Variants in HIVEP1 observed in about 807,000 individuals in gnomAD.
HIVEP1 encodes zinc finger protein 40.
A neutral mutation model predicts 180.0 loss-of-function variants in HIVEP1; 36 were observed. That is an observed-to-expected ratio of 0.20 (90% CI 0.15 to 0.26). The LOEUF is 0.26. Ranked by LOEUF, HIVEP1 falls within the 10% of genes least tolerant of loss-of-function variation. The pLI is 1.00. For synonymous variants in HIVEP1, 1,239 were observed against 1,239.0 expected (o/e 1.00, Z 0.00); for missense variants, 3,143 against 3,268.7 (o/e 0.96, Z 0.94).
chr6:12,109,010 C>A (rs571805731), intron 3 of HIVEP1, among the ~76,000 whole-genome samples: 11 of 152,246 alleles, frequency 7.2e-5, no homozygotes, highest in Non-Finnish European at 1.6e-4. Context: ...GACAGACTCT[C>A]GCTCTGTCGC....
chr6:12,058,958 CT>C (rs1771055140), intron 2 of HIVEP1, among the ~76,000 whole-genome samples: 3 of 141,124 alleles, frequency 2.1e-5, no homozygotes, highest in Non-Finnish European at 4.7e-5. Flanking sequence ...TTTTTTTTTT[CT>C]TTTTTGGAGA....
intron 6 of HIVEP1, among the ~76,000 whole-genome samples, chr6:12,134,012 TATAATTTGGTTTGTA>T (rs1758575331): frequency 6.6e-6 from 1 of 152,010 alleles, no homozygotes; most frequent in South Asian, 2.1e-4. Context: ...TAGTGGACCT[TATAATTTGGTTTGTA>T]ATATTGTTAG....
At chr6:12,192,642 T>C in the HIVEP1 span, among the ~76,000 whole-genome samples, 4 of 152,262 alleles carry the variant, frequency 2.6e-5, no homozygotes, top group Admixed American at 6.5e-5. Context: ...TCTGCCGCCA[T>C]GTGAAGACGC....
chr6:12,192,751 C>G, the HIVEP1 span, among the ~76,000 whole-genome samples: 5 of 152,128 alleles, frequency 3.3e-5, no homozygotes, highest in Non-Finnish European at 1.5e-5. Context: ...TAAATTAAAT[C>G]TCTTTTCTTC....
intron 7 of HIVEP1, among the ~76,000 whole-genome samples, chr6:12,143,788 T>G (rs1759198233): frequency 6.6e-6 from 1 of 152,092 alleles, no homozygotes; most frequent in Non-Finnish European, 1.5e-5. Flanking sequence ...CATTCCCAAT[T>G]GCTAAAAAGA....
intron 2 of HIVEP1, among the ~76,000 whole-genome samples, chr6:12,084,793 G>A (rs978285707): frequency 1.1e-4 from 17 of 152,048 alleles, no homozygotes; most frequent in African/African-American, 3.6e-4. Flanking sequence ...GAGGGAGGAC[G>A]TACGGGTGCT....
upstream of HIVEP1, among the ~76,000 whole-genome samples, chr6:12,011,295 C>T (rs1402184272): frequency 7.1e-6 from 1 of 141,778 alleles, no homozygotes; most frequent in Non-Finnish European, 1.5e-5. Context: ...GCCTCCCCCT[C>T]CCCCATTCTG....
chr6:12,161,455 C>A lies in HIVEP1; in HGVS notation c.6504C>A (p.Phe2168Leu). 6.2e-7 allele frequency: 1 copy of A among 1,610,150 alleles called. No individual in the cohort carries two copies. Among genetic ancestry groups the A allele is most frequent in the South Asian group, 1.1e-5 (1 of 90,920 alleles). Residue 2168 changes from phenylalanine to leucine, a missense_variant, in exon 8 of 9, where the codon TTC (phenylalanine) becomes TTA (leucine). By Grantham distance (22) the Phe-to-Leu change is conservative. Transcript: ENST00000379388. ...TTTTATTAGATGAAAAACAGAGATT[C>A]AGTTATGAGCGATCTGGATATGATC... ...DTEESDEKQR[F>L]SYERSGYDLE...
chr6:12,057,465 AGTATATG>A (rs1278782570), intron 2 of HIVEP1, among the ~76,000 whole-genome samples: 1 of 152,170 alleles, frequency 6.6e-6, no homozygotes, highest in Non-Finnish European at 1.5e-5. Flanking sequence ...TTTGCATGTG[AGTATATG>A]GTATATGGTC....
intron 2 of HIVEP1, among the ~76,000 whole-genome samples, chr6:12,075,041 G>A (rs1452367337): frequency 1.3e-5 from 2 of 152,182 alleles, no homozygotes; most frequent in Non-Finnish European, 2.9e-5. Flanking sequence ...AGAAAAGACA[G>A]TAAAAAAAGT....
chr6:12,165,087 TTCCCCTC>T (rs1362334425), downstream of HIVEP1: 2 of 500,044 alleles, frequency 4.0e-6, no homozygotes, highest in Non-Finnish European at 7.9e-6. Flanking sequence ...TCTTTCCACA[TTCCCCTC>T]AACCCTTCAT....
chr6:12,033,826 T>C (rs1014572154), intron 2 of HIVEP1, among the ~76,000 whole-genome samples: 5 of 152,198 alleles, frequency 3.3e-5, no homozygotes, highest in Non-Finnish European at 5.9e-5. Flanking sequence ...TCCTGAAGAG[T>C]ACATTTGTTG....
chr6:12,017,237 G>A (rs1471955709), intron 2 of HIVEP1, among the ~76,000 whole-genome samples: 1 of 152,144 alleles, frequency 6.6e-6, no homozygotes, highest in Non-Finnish European at 1.5e-5. Context: ...GTCTGGAATT[G>A]GTGGGTTCTT....
intron 2 of HIVEP1, among the ~76,000 whole-genome samples, chr6:12,073,212 T>G (rs1327982149): frequency 6.6e-6 from 1 of 152,218 alleles, no homozygotes; most frequent in Non-Finnish European, 1.5e-5. Context: ...TAGAAGATGT[T>G]TGCTTGGCTA....
At chr6:12,204,269 A>G in the HIVEP1 span, among the ~76,000 whole-genome samples, 25 of 142,344 alleles carry the variant, frequency 1.8e-4, no homozygotes, top group East Asian at 4.8e-3. Flanking sequence ...TACCAGACAC[A>G]GAGTTTCTCT....
chr6:12,158,559 G>A (rs1760194581), intron 7 of HIVEP1, among the ~76,000 whole-genome samples: 1 of 152,132 alleles, frequency 6.6e-6, no homozygotes, highest in Admixed American at 6.5e-5. Context: ...GCAAGGAGGA[G>A]GATGGGGTGC....
chr6:12,156,178 T>G (rs139954046), intron 7 of HIVEP1, among the ~76,000 whole-genome samples: 1,977 of 146,876 alleles, frequency 0.013, 42 homozygotes, highest in African/African-American at 0.051. Context: ...ATTGTGAAAA[T>G]TTTCTCCCAT....
At chr6:12,199,423 G>A in the HIVEP1 span, among the ~76,000 whole-genome samples, 3 of 139,686 alleles carry the variant, frequency 2.1e-5, no homozygotes, top group Admixed American at 8.3e-5. Context: ...GGACAATGGC[G>A]TGATCTCGGC....
chr6:12,152,668 A>G (rs529693679), intron 7 of HIVEP1, among the ~76,000 whole-genome samples: 1 of 152,350 alleles, frequency 6.6e-6, no homozygotes, highest in South Asian at 2.1e-4. Flanking sequence ...CCTCTAGCAG[A>G]GATTTCAGAT....
Sources: allele counts gnomAD v4.1 joint callset (sites outside exome capture counted in the v4.1 genomes callset), GRCh38; gene constraint gnomAD v4.1.1; transcripts MANE v1.5; gene names NCBI Gene and HGNC (gene_info 2026-07-23, HGNC 2026-07-21).